CHD7: variants seen among roughly 807,000 people sequenced by gnomAD.
The protein encoded by CHD7 is ATP-dependent chromatin remodeler CHD7.
CHD7 carries 24 observed loss-of-function variants against 307.3 expected under a neutral mutation model. The observed-to-expected ratio is 0.08, with a 90% CI of 0.06 to 0.11. The LOEUF is 0.11. Ranked by LOEUF, CHD7 falls within the 10% of genes least tolerant of loss-of-function variation. The pLI is 1.00. For synonymous variants in CHD7, 1,363 were observed against 1,349.9 expected, an observed-to-expected ratio of 1.01 and a Z score of -0.21; for missense variants, 3,106 against 3,727.1, an observed-to-expected ratio of 0.83 and a Z score of 4.34.
chr8:60,830,232 G>A (rs1402135781), intron 14 of CHD7, 90 bp from the exon 15 acceptor site: 1 of 1,314,284 alleles, frequency 7.6e-7, no homozygotes, highest in Non-Finnish European at 1.0e-6. Context: ...GATGTTTAAT[G>A]AATGAGATAA....
At chr8:60,684,415 A>C (rs1173251779) in intron 1 of CHD7, among the ~76,000 whole-genome samples, 1 of 152,180 alleles carries the variant, frequency 6.6e-6, no homozygotes, top group African/African-American at 2.4e-5. Context: ...ATGAATTGTC[A>C]ATATAGTGAT....
Position 60,856,047 on chromosome 8 carries a change from C to A in CHD7, c.7009C>A (p.Arg2337Ser), listed in dbSNP as rs765610436. The A allele has an allele frequency of 2.5e-6, 4 of 1,611,208 alleles. No individual in the cohort carries two copies. Among genetic ancestry groups the A allele is most frequent in the Non-Finnish European group, 2.5e-6 (3 of 1,178,624 alleles). The part of the protein sequence containing the change: ...VLKGKWPVNR[R>S]QMFDFQGLIP... ...GAAAGGCAAATGGCCAGTAAATAGG[C>A]GCCAGATGTTTGATTTCCAAGGCCT... The change falls in exon 33 of 38, where the codon CGC becomes AGC. Residue 2337 changes from arginine (R) to serine (S), a missense_variant. Around this residue, in one of 10 missense-constraint regions of CHD7, gnomAD observed 1,030 missense variants for 1,165.4 expected, o/e 0.88. Transcript: ENST00000423902.
At chr8:60,864,734 G>A (rs1806162910) in intron 37 of CHD7, 10 of 421,340 alleles carry the variant, frequency 2.4e-5, no homozygotes, top group South Asian at 8.4e-5. Flanking sequence ...ACCCCATAAT[G>A]TACTTTCTGA....
At chr8:60,713,911 T>C (rs1415201990) in intron 1 of CHD7, among the ~76,000 whole-genome samples, 2 of 59,150 alleles carry the variant, frequency 3.4e-5, no homozygotes, top group Non-Finnish European at 3.7e-5. Flanking sequence ...TTTCTTATTT[T>C]GCTTCTCCTC....
At chr8:60,836,431 C>T (rs1586416975) in intron 16 of CHD7, 148 bp downstream of exon 16, 1 of 672,186 alleles carries the variant, frequency 1.5e-6, no homozygotes, top group East Asian at 2.7e-5. Flanking sequence ...TATAGATGTA[C>T]ATGATGATTA....
chr8:60,771,560 C>T (rs982335891), intron 2 of CHD7, among the ~76,000 whole-genome samples: 93 of 152,270 alleles, frequency 6.1e-4, no homozygotes, highest in African/African-American at 2.1e-3. Context: ...ATATCTATTT[C>T]CTCTCTCAGT....
At chr8:60,793,219 A>G (rs868638070) in intron 3 of CHD7, among the ~76,000 whole-genome samples, 3 of 152,158 alleles carry the variant, frequency 2.0e-5, no homozygotes, top group South Asian at 2.1e-4. Context: ...AAACACTAGG[A>G]CAGTTGGATG....
chr8:60,702,144 G>A (rs1291502627), intron 1 of CHD7, among the ~76,000 whole-genome samples: 1 of 152,204 alleles, frequency 6.6e-6, no homozygotes, highest in Non-Finnish European at 1.5e-5. Context: ...ATAATATTCA[G>A]GCATAGTTGT....
At chr8:60,728,555 T>C (rs968402081) in intron 1 of CHD7, among the ~76,000 whole-genome samples, 2 of 152,194 alleles carry the variant, frequency 1.3e-5, no homozygotes, top group Admixed American at 6.5e-5. Flanking sequence ...TGAGACAGTC[T>C]CGCTCTGTCG....
intron 1 of CHD7, among the ~76,000 whole-genome samples, chr8:60,717,167 G>A (rs1177069511): frequency 6.6e-6 from 1 of 151,902 alleles, no homozygotes; most frequent in Non-Finnish European, 1.5e-5. Context: ...GTAAAGGTGA[G>A]TTATTCCATT....
Position 60,822,599 on chromosome 8 carries a change from T to G in CHD7, c.3054T>G (p.Pro1018=), listed in dbSNP as rs201320784. 60 of 1,613,428 alleles carry G rather than the reference T, an allele frequency of 3.7e-5. No individual in the cohort carries two copies. The highest frequency in any genetic ancestry group is 3.4e-6 in the Non-Finnish European group (4 of 1,179,502). ...YEIYLKGIHG[P]FLVIAPLSTI... is the part of the protein sequence containing the mutation. ...TATATTTGAAAGGAATCCATGGCCC[T>G]TTTTTAGTAATTGCCCCATTGTCCA... Residue 1018 remains proline, a synonymous_variant, in exon 12 of 38, where the codon CCT becomes CCG. Coordinates refer to ENST00000423902, the MANE Select transcript of CHD7 (RefSeq NM_017780.4).
intron 24 of CHD7, 98 bp from the exon 25 acceptor site, chr8:60,848,953 T>C (rs115859687): frequency 2.1e-6 from 2 of 958,362 alleles, no homozygotes; most frequent in African/African-American, 3.3e-5. Context: ...CATGCTCAGA[T>C]GTTTATCGTG....
intron 2 of CHD7, among the ~76,000 whole-genome samples, chr8:60,758,679 G>A (rs549800899): frequency 6.6e-6 from 1 of 152,140 alleles, no homozygotes; most frequent in African/African-American, 2.4e-5. Flanking sequence ...GGACTTTCAA[G>A]TAAAAACAAT....
chr8:60,789,564 C>T (rs1811668445), intron 3 of CHD7, among the ~76,000 whole-genome samples: 1 of 152,188 alleles, frequency 6.6e-6, no homozygotes, highest in South Asian at 2.1e-4. Flanking sequence ...TTTGGGTCCA[C>T]AATGTGGTTC....
intron 23 of CHD7, among the ~76,000 whole-genome samples, chr8:60,847,152 TCA>T (rs1452609641): frequency 2.0e-5 from 3 of 152,214 alleles, no homozygotes; most frequent in African/African-American, 7.2e-5. Flanking sequence ...ATTTATAAGC[TCA>T]CACTTGGCCT....
At chr8:60,842,876 G>GT (rs990262324) in intron 21 of CHD7, among the ~76,000 whole-genome samples, 9 of 152,202 alleles carry the variant, frequency 5.9e-5, no homozygotes, top group African/African-American at 2.2e-4. Context: ...CCAAGCTTCT[G>GT]TTAGGACAGA....
intron 3 of CHD7, among the ~76,000 whole-genome samples, chr8:60,793,177 T>C (rs1305109461): frequency 6.6e-6 from 1 of 152,110 alleles, no homozygotes; most frequent in Non-Finnish European, 1.5e-5. Context: ...TGGAACCTCA[T>C]AGTAGGGGAG....
chr8:60,716,689 A>C (rs1444127573), intron 1 of CHD7, among the ~76,000 whole-genome samples: 2 of 151,822 alleles, frequency 1.3e-5, no homozygotes, highest in African/African-American at 4.8e-5. Context: ...ATTTTGTTTG[A>C]CTCTCTCCAC....
chr8:60,811,046 G>A (rs1173070399), intron 7 of CHD7, among the ~76,000 whole-genome samples: 5 of 152,188 alleles, frequency 3.3e-5, no homozygotes, highest in Non-Finnish European at 1.5e-5. Context: ...CTGATCTGAG[G>A]TGCAACCGTT....
Sources: gnomAD v4.1 joint callset for allele counts (sites outside exome capture counted in the v4.1 genomes callset) on GRCh38, gnomAD v4.1.1 for gene constraint, gnomAD v4.1.1 regional missense constraint, MANE v1.5 for transcripts, NCBI Gene and HGNC (gene_info 2026-07-23, HGNC 2026-07-21) for gene names.